Variants in YAF2 observed in about 807,000 individuals in gnomAD.
The protein encoded by YAF2 is YY1 associated factor 2.
Under a neutral mutation model 20.1 loss-of-function variants are expected in YAF2, and 7 were observed. The ratio of observed to expected loss-of-function variants is 0.35; its 90% confidence interval spans 0.20 to 0.65. The LOEUF (loss-of-function observed/expected upper bound fraction) is 0.65, where lower values mean the gene tolerates loss of function less well. Among genes scored for constraint, YAF2 ranks in the 30% least tolerant of loss-of-function variants. The pLI is 0.69. For synonymous variants in YAF2, 74 were observed against 76.0 expected, an observed-to-expected ratio of 0.97 and a Z score of 0.14; for missense variants, 151 against 219.2, an observed-to-expected ratio of 0.69 and a Z score of 1.96.
At chr12:42,237,436 C>G (rs1232267966) in intron 2 of YAF2, 163 bp downstream of exon 2, 2 of 1,310,206 alleles carry the variant, frequency 1.5e-6, no homozygotes, top group Non-Finnish European at 1.9e-6. Flanking sequence ...AAACCATCGC[C>G]TGGGTTGCGA....
At chr12:42,213,474 A>G (rs1335830601) in intron 2 of YAF2, among the ~76,000 whole-genome samples, 1 of 152,236 alleles carries the variant, frequency 6.6e-6, no homozygotes, top group South Asian at 2.1e-4. Context: ...AGCCATCTCT[A>G]AAGTAAATAA....
At chr12:42,221,369 G>T (rs1215312707) in intron 2 of YAF2, among the ~76,000 whole-genome samples, 1 of 152,120 alleles carries the variant, frequency 6.6e-6, no homozygotes, top group African/African-American at 2.4e-5. Flanking sequence ...GGCAAAGTTT[G>T]AGACCAGGCT....
chr12:42,218,185 AACACACACACACACACACACACACAC>A (rs71883885), intron 2 of YAF2, among the ~76,000 whole-genome samples: 1 of 140,608 alleles, frequency 7.1e-6, no homozygotes, highest in African/African-American at 2.6e-5. Context: ...GCTACTAGGA[AACACACACACACACACACACACACAC>A]ACACACACAC....
intron 2 of YAF2, among the ~76,000 whole-genome samples, chr12:42,208,105 T>A (rs922646038): frequency 6.6e-6 from 1 of 152,118 alleles, no homozygotes; most frequent in African/African-American, 2.4e-5. Context: ...AAATAATAAA[T>A]TTTTTAAAAA....
At chr12:42,224,492 A>T (rs2067624720) in intron 2 of YAF2, among the ~76,000 whole-genome samples, 1 of 151,808 alleles carries the variant, frequency 6.6e-6, no homozygotes, top group Non-Finnish European at 1.5e-5. Flanking sequence ...CCCGTCATCT[A>T]CATTAGGCAA....
rs1487354823 is a variant in YAF2 at position 42,157,777 on chromosome 12, T to C, written c.*2812A>G. 1.4e-5 allele frequency: 2 copies of C among 147,268 alleles called. No individual in the cohort carries two copies. Among genetic ancestry groups the C allele is most frequent in the Admixed American group, 6.7e-5 (1 of 14,910 alleles). 9.1% of individuals were successfully genotyped at this position (147,268 alleles called of 1,614,324 possible). On this transcript the variant is annotated 3_prime_UTR_variant, in exon 4 of 4. Coordinates refer to ENST00000534854, the MANE Select transcript of YAF2 (RefSeq NM_005748.6). The stretch of plus-strand genomic sequence containing the variant: ...TCAAATTATATTCACTTTTTAAATA[T>C]ACATATATATATATATGTATATTCA...
chr12:42,192,483 T>C (rs796300352), intron 2 of YAF2, among the ~76,000 whole-genome samples: 6 of 152,246 alleles, frequency 3.9e-5, no homozygotes, highest in African/African-American at 1.4e-4. Flanking sequence ...CACTCTAGCC[T>C]GGGCAACACA....
rs1456522913 is a variant in YAF2 at position 42,210,615 on chromosome 12, TG to T, written c.152+26983del. 1.5e-4 allele frequency: 228 copies of T among 1,536,000 alleles called. 1 individual carries two copies. Among genetic ancestry groups the T allele is most frequent in the Non-Finnish European group, 2.0e-4 (224 of 1,146,902 alleles). ...GCACTCACAATAACTTCAAACAATG[TG>T]GATCTGTGGAGATTACCCAATAGGA... On this transcript the variant is annotated intron_variant, in intron 2 of 3. Coordinates refer to ENST00000534854, the MANE Select transcript of YAF2 (RefSeq NM_005748.6).
In YAF2 at chr12:42,158,177, T is replaced by C. The variant is rs1365020888; in HGVS notation, c.*2412A>G. 2.0e-5 allele frequency: 3 copies of C among 152,208 alleles called. No individual in the cohort carries two copies. The highest frequency in any genetic ancestry group is 4.4e-5 in the Non-Finnish European group (3 of 68,032). The allele number at this position is 152,208 out of a possible 1,614,324, so 9.4% of individuals were successfully genotyped here. On this transcript the variant is annotated 3_prime_UTR_variant, in exon 4 of 4. Transcript: ENST00000534854. ...AGGGTGAAACAAAGGCAGGTTGAGA[T>C]ACCTGTGATTAATAAAAGTAAAATA... is the stretch of plus-strand genomic sequence containing the variant.
intron 2 of YAF2, chr12:42,232,833 C>A: frequency 1.0e-6 from 1 of 985,252 alleles, no homozygotes; most frequent in Non-Finnish European, 1.2e-6. Flanking sequence ...ATAACTCACT[C>A]TTTTTACCTA....
chr12:42,192,668 G>A (rs10785333), intron 2 of YAF2, among the ~76,000 whole-genome samples: 53,476 of 152,074 alleles, frequency 0.35, 9,730 homozygotes, highest in South Asian at 0.47. Context: ...GAGTAGCCCA[G>A]AAAAGAGATG....
chr12:42,185,830 C>T (rs2066458631), intron 2 of YAF2, among the ~76,000 whole-genome samples: 1 of 152,136 alleles, frequency 6.6e-6, no homozygotes, highest in Admixed American at 6.5e-5. Context: ...GTATGACTTG[C>T]TTTGTTGTGA....
At chr12:42,202,389 C>T (rs1395750649) in intron 2 of YAF2, among the ~76,000 whole-genome samples, 1 of 152,200 alleles carries the variant, frequency 6.6e-6, no homozygotes, top group Non-Finnish European at 1.5e-5. Flanking sequence ...ATTCCTCATG[C>T]TCCAGGAGGC....
At chr12:42,182,049 G>A (rs2066355799) in intron 2 of YAF2, among the ~76,000 whole-genome samples, 1 of 151,932 alleles carries the variant, frequency 6.6e-6, no homozygotes, top group Non-Finnish European at 1.5e-5. Flanking sequence ...GTACCTCTCT[G>A]CCAAACAAAG....
chr12:42,224,865 G>C (rs2067641566), intron 2 of YAF2, among the ~76,000 whole-genome samples: 1 of 152,200 alleles, frequency 6.6e-6, no homozygotes, highest in African/African-American at 2.4e-5. Flanking sequence ...ACAGTAGAAT[G>C]ATTTATAATC....
At chr12:42,185,512 A>T (rs1284735883) in intron 2 of YAF2, among the ~76,000 whole-genome samples, 2 of 152,238 alleles carry the variant, frequency 1.3e-5, no homozygotes, top group Non-Finnish European at 2.9e-5. Flanking sequence ...TGAATCTTTC[A>T]TGAAAGGAAG....
intron 2 of YAF2, chr12:42,232,755 C>T: frequency 2.0e-6 from 2 of 985,278 alleles, no homozygotes; most frequent in Non-Finnish European, 2.4e-6. Flanking sequence ...AGATTTCTAC[C>T]AGATGATAGT....
chr12:42,226,138 AATG>A (rs1463699228), intron 2 of YAF2, among the ~76,000 whole-genome samples: 3 of 152,190 alleles, frequency 2.0e-5, no homozygotes, highest in Non-Finnish European at 4.4e-5. Flanking sequence ...TCCTTGTAGC[AATG>A]GAATATACAA....
At chr12:42,235,401 G>A (rs1243955745) in intron 2 of YAF2, 1 of 1,035,970 alleles carries the variant, frequency 9.7e-7, no homozygotes, top group Non-Finnish European at 1.2e-6. Flanking sequence ...AATATTCTGT[G>A]ATGCAATCAA....
Sources: gnomAD v4.1 joint callset for allele counts (sites outside exome capture counted in the v4.1 genomes callset) on GRCh38, gnomAD v4.1.1 for gene constraint, MANE v1.5 for transcripts, NCBI Gene and HGNC (gene_info 2026-07-23, HGNC 2026-07-21) for gene names.